ACAP2: variants seen among roughly 807,000 people sequenced by gnomAD.
ACAP2 encodes arf-GAP with coiled-coil, ANK repeat and PH domain-containing protein 2.
A neutral mutation model predicts 115.8 loss-of-function variants in ACAP2; 39 were observed. That is an observed-to-expected ratio of 0.34 (90% CI 0.26 to 0.44). ACAP2 has a LOEUF of 0.44. Among genes scored for constraint, ACAP2 ranks in the 20% least tolerant of loss-of-function variants. The pLI is 1.00. For synonymous variants in ACAP2, 289 were observed against 315.8 expected (o/e 0.92, Z 0.90); for missense variants, 662 against 927.6 (o/e 0.71, Z 3.72).
chr3:195,289,803 C>CAAAAAA (rs35498756), intron 20 of ACAP2, among the ~76,000 whole-genome samples: 2 of 111,990 alleles, frequency 1.8e-5, no homozygotes, highest in Admixed American at 2.0e-4. Flanking sequence ...GACTCCGTCT[C>CAAAAAA]AAAAAAAAAA....
At chr3:195,441,022 C>G (rs1339232436) in intron 1 of ACAP2, among the ~76,000 whole-genome samples, 2 of 151,834 alleles carry the variant, frequency 1.3e-5, no homozygotes, top group South Asian at 2.1e-4. Context: ...CAGTATGTTG[C>G]CCTCTTATTT....
intron 1 of ACAP2, among the ~76,000 whole-genome samples, chr3:195,438,104 C>T (rs2108876004): frequency 6.6e-6 from 1 of 150,480 alleles, no homozygotes; most frequent in East Asian, 2.0e-4. Context: ...CAGCTCACTG[C>T]AACCTCTGCC....
intron 1 of ACAP2, among the ~76,000 whole-genome samples, chr3:195,438,566 T>C (rs912150316): frequency 2.0e-5 from 3 of 152,132 alleles, no homozygotes; most frequent in African/African-American, 7.2e-5. Flanking sequence ...CCAATGTCTT[T>C]CGCCCATTAA....
At chr3:195,293,373 G>T (rs1224143636) in intron 18 of ACAP2, among the ~76,000 whole-genome samples, 5 of 152,144 alleles carry the variant, frequency 3.3e-5, no homozygotes, top group Non-Finnish European at 7.3e-5. Context: ...AGGGGACAAG[G>T]GTTTAAAGCA....
At chr3:195,433,560 A>G (rs1418202031) in intron 1 of ACAP2, among the ~76,000 whole-genome samples, 2 of 152,146 alleles carry the variant, frequency 1.3e-5, no homozygotes, top group South Asian at 2.1e-4. Context: ...ACCACTAAAT[A>G]TGATGTTAGC....
chr3:195,361,442 A>G (rs1280656192), intron 4 of ACAP2, among the ~76,000 whole-genome samples: 2 of 147,754 alleles, frequency 1.4e-5, no homozygotes, highest in Admixed American at 6.8e-5. Flanking sequence ...TCTCAAAAAA[A>G]AAAAGAAAAG....
intron 13 of ACAP2, 146 bp from the exon 14 acceptor site, chr3:195,302,320 T>C: frequency 2.8e-6 from 2 of 705,774 alleles, no homozygotes; most frequent in South Asian, 4.2e-5. Context: ...AGCTAGAAAT[T>C]CAAGGATAAA....
chr3:195,287,248 T>C (rs1318214285), intron 21 of ACAP2, among the ~76,000 whole-genome samples: 1 of 152,234 alleles, frequency 6.6e-6, no homozygotes, highest in Non-Finnish European at 1.5e-5. Context: ...TCGGTGACGA[T>C]TAATTTTCTG....
intron 1 of ACAP2, among the ~76,000 whole-genome samples, chr3:195,394,945 G>A (rs1711615630): frequency 7.0e-6 from 1 of 143,686 alleles, no homozygotes; most frequent in South Asian, 2.2e-4. Context: ...TAAAGTAGGG[G>A]GTGGTAAAGA....
Position 195,320,752 on chromosome 3 carries a change from A to C in ACAP2, c.806T>G (p.Met269Arg), listed in dbSNP as rs1729394440. The change falls in exon 10 of 23, where the codon ATG (methionine) becomes AGG (arginine). Residue 269 changes from methionine (M) to arginine (R), a missense_variant. Met to Arg is a moderately conservative substitution (Grantham distance 91). Around this residue, in one of 3 missense-constraint regions of ACAP2, gnomAD observed 401 missense variants for 604.4 expected, o/e 0.66. Coordinates refer to ENST00000326793, the MANE Select transcript of ACAP2 (RefSeq NM_012287.6). ...YNVDAANGIVMEGYLFKRASN... is the reference protein window; with the variant it reads ...YNVDAANGIVREGYLFKRASN... ...GGCTCGTTTGAACAGATATCCTTCCATAACTATGCCATTTGCAGCATCTAC... is the reference window on the plus strand; with the variant it reads ...GGCTCGTTTGAACAGATATCCTTCCCTAACTATGCCATTTGCAGCATCTAC... 1 of 1,613,644 alleles carries C rather than the reference A, an allele frequency of 6.2e-7. No homozygotes were observed. The highest frequency in any genetic ancestry group is 8.5e-7 in the Non-Finnish European group (1 of 1,179,776).
intron 1 of ACAP2, among the ~76,000 whole-genome samples, chr3:195,393,482 T>C (rs890895856): frequency 6.6e-6 from 1 of 152,330 alleles, no homozygotes; most frequent in Non-Finnish European, 1.5e-5. Context: ...AAGAAATGCC[T>C]ATGATAAAAT....
Position 195,295,904 on chromosome 3 carries a change from A to G in ACAP2, c.1488-12T>C. On this transcript the variant is annotated splice_polypyrimidine_tract_variant and intron_variant, in intron 16 of 22. Coordinates refer to ENST00000326793, the MANE Select transcript of ACAP2 (RefSeq NM_012287.6). The stretch of plus-strand genomic sequence containing the variant: ...CCTCCTTCTCCTGTCTGACAGACAT[A>G]AAAATGTCATGATGTTTTGCTTAAT... The G allele has an allele frequency of 1.3e-6, 2 of 1,598,496 alleles. No individual in the cohort carries two copies. The highest frequency in any genetic ancestry group is 1.7e-6 in the Non-Finnish European group (2 of 1,173,726).
At chr3:195,316,256 C>T (rs1214761526) in intron 10 of ACAP2, among the ~76,000 whole-genome samples, 2 of 150,792 alleles carry the variant, frequency 1.3e-5, no homozygotes, top group African/African-American at 4.9e-5. Flanking sequence ...TCAGGAAAGG[C>T]TTAGAAGACT....
Position 195,381,934 on chromosome 3 carries a change from G to A in ACAP2, c.200C>T (p.Ala67Val). The A allele has an allele frequency of 6.2e-7, 1 of 1,610,774 alleles. No individual in the cohort carries two copies. The highest frequency in any genetic ancestry group is 8.5e-7 in the Non-Finnish European group (1 of 1,179,044). ...KQFMNGIRDL[A>V]QYSSNDAVVE... ...GACAGCATCATTACTAGAATACTGA[G>A]CCAGGTCTCGAATCCCATTCATGAA... The change falls in exon 3 of 23, where the codon GCT becomes GTT. Residue 67 changes from alanine to valine, a missense_variant. Around this residue, in one of 3 missense-constraint regions of ACAP2, gnomAD observed 401 missense variants for 604.4 expected, o/e 0.66. Transcript: ENST00000326793.
intron 10 of ACAP2, among the ~76,000 whole-genome samples, chr3:195,319,873 A>G (rs1355191160): frequency 2.0e-5 from 3 of 152,058 alleles, no homozygotes; most frequent in African/African-American, 7.2e-5. Context: ...GAGATTTGAG[A>G]AAGGCCAGGG....
intron 4 of ACAP2, among the ~76,000 whole-genome samples, chr3:195,364,294 G>A (rs1010153139): frequency 1.4e-4 from 21 of 152,196 alleles, no homozygotes; most frequent in African/African-American, 4.6e-4. Flanking sequence ...CTGAATAGAC[G>A]TTTCTCAAAA....
chr3:195,441,626 C>G (rs576286880), intron 1 of ACAP2, among the ~76,000 whole-genome samples: 3 of 152,316 alleles, frequency 2.0e-5, no homozygotes, highest in African/African-American at 7.2e-5. Flanking sequence ...GCAGAGGATG[C>G]AATTTACAAT....
intron 2 of ACAP2, among the ~76,000 whole-genome samples, chr3:195,383,968 A>G (rs1406676370): frequency 2.0e-5 from 3 of 152,204 alleles, no homozygotes; most frequent in Non-Finnish European, 4.4e-5. Context: ...GTTTGATAAC[A>G]TGCTGTTTTA....
At chr3:195,317,885 G>GA (rs151159899) in intron 10 of ACAP2, among the ~76,000 whole-genome samples, 21 of 148,436 alleles carry the variant, frequency 1.4e-4, no homozygotes, top group Admixed American at 8.1e-4. Flanking sequence ...CAAAGGGCAG[G>GA]AAAAAAAAAA....
Sources: allele counts gnomAD v4.1 joint callset (sites outside exome capture counted in the v4.1 genomes callset), GRCh38; gene constraint gnomAD v4.1.1; regional missense constraint gnomAD v4.1.1; transcripts MANE v1.5; gene names NCBI Gene and HGNC (gene_info 2026-07-23, HGNC 2026-07-21).